Variants in ANO10 observed in about 807,000 individuals in gnomAD.
ANO10 encodes the protein anoctamin 10, also known as anoctamin-10.
In ANO10, 77 loss-of-function variants were observed where a neutral mutation model predicts 74.7. The observed-to-expected ratio is 1.03, with a 90% CI of 0.86 to 1.25. The LOEUF is 1.25. Among genes scored for constraint, ANO10 ranks in the 50% most tolerant of loss-of-function variants. The probability of loss-of-function intolerance (pLI) is 0.00; values close to 1 mark genes in which losing one functional copy is unlikely to be tolerated. For missense variants in ANO10, 721 were observed against 778.1 expected (o/e 0.93, Z 0.87); for synonymous variants, 279 against 284.9 (o/e 0.98, Z 0.21).
chr3:43,660,218 C>G (rs1050508444), intron 1 of ANO10, among the ~76,000 whole-genome samples: 1 of 152,030 alleles, frequency 6.6e-6, no homozygotes, highest in African/African-American at 2.4e-5. Context: ...TCCTCGCCAG[C>G]AAGAGAACAA....
chr3:43,683,721 CCA>C (rs2084234078), intron 1 of ANO10, among the ~76,000 whole-genome samples: 1 of 152,032 alleles, frequency 6.6e-6, no homozygotes, highest in Non-Finnish European at 1.5e-5. Context: ...GGTACTGGTA[CCA>C]AAACAGAGAT....
At chr3:43,579,672 T>C (rs1462442322) in intron 5 of ANO10, among the ~76,000 whole-genome samples, 1 of 152,120 alleles carries the variant, frequency 6.6e-6, no homozygotes, top group African/African-American at 2.4e-5. Context: ...TGAGGTGAGA[T>C]TGTACCATTG....
At position 43,386,647 on chromosome 3, in the gene ANO10, A is replaced by G. The variant is rs948958783; in HGVS notation, c.1915-19673T>C. 1.4e-4 allele frequency among the ~76,000 whole-genome samples: 12 copies of G among 87,986 alleles called. No individual in the cohort carries two copies. In the South Asian group the frequency reaches 1.7e-3, roughly 13 times the overall value. 57.7% of individuals were successfully genotyped at this position (87,986 alleles called of 152,430 possible). A position where few individuals can be genotyped will look rare whatever the true frequency, so the allele number is the denominator to read the frequency against. ...TTTTGAAAGTTGTGTGTAGGTGTGT[A>G]CGTGTGTGTGTGTGTGTGTGTGTGT... On this transcript the variant is annotated intron_variant, in intron 12 of 12. Transcript: ENST00000292246.
At chr3:43,554,257 G>A (rs528606504) in intron 10 of ANO10, among the ~76,000 whole-genome samples, 1 of 148,024 alleles carries the variant, frequency 6.8e-6, no homozygotes, top group South Asian at 2.1e-4. Flanking sequence ...GTAATGATAT[G>A]GTCTCAGCTC....
intron 11 of ANO10, among the ~76,000 whole-genome samples, chr3:43,495,071 CA>C (rs1362498167): frequency 1.3e-5 from 2 of 151,252 alleles, no homozygotes; most frequent in Non-Finnish European, 3.0e-5. Flanking sequence ...CAAAAACAGA[CA>C]AAAAGGTCAG....
intron 1 of ANO10, among the ~76,000 whole-genome samples, chr3:43,616,290 G>A (rs974448457): frequency 4.6e-5 from 7 of 152,238 alleles, no homozygotes; most frequent in East Asian, 1.9e-4. Context: ...TCACACCACC[G>A]GTGTGGCAGA....
At chr3:43,586,175 G>A (rs1040213995) in intron 4 of ANO10, among the ~76,000 whole-genome samples, 4 of 152,144 alleles carry the variant, frequency 2.6e-5, no homozygotes, top group African/African-American at 7.2e-5. Context: ...CCTGGAGTAC[G>A]TCTGCTCCCT....
intron 1 of ANO10, among the ~76,000 whole-genome samples, chr3:43,672,398 G>A (rs924308721): frequency 6.6e-6 from 1 of 152,096 alleles, no homozygotes; most frequent in Non-Finnish European, 1.5e-5. Flanking sequence ...ACCGGGCCTG[G>A]TGCATGCCTG....
chr3:43,552,716 A>G (rs915243984), intron 10 of ANO10, among the ~76,000 whole-genome samples: 1 of 134,908 alleles, frequency 7.4e-6, no homozygotes. Context: ...ATATATATAT[A>G]TATATATATA....
intron 11 of ANO10, among the ~76,000 whole-genome samples, chr3:43,508,588 T>C (rs1435045141): frequency 6.6e-6 from 1 of 152,156 alleles, no homozygotes; most frequent in African/African-American, 2.4e-5. Context: ...ATGTGGCACA[T>C]ATACACCATG....
chr3:43,508,161 A>C (rs563385019), intron 11 of ANO10, among the ~76,000 whole-genome samples: 2 of 152,244 alleles, frequency 1.3e-5, no homozygotes, highest in East Asian at 1.9e-4. Flanking sequence ...ACTTCTCCCT[A>C]TTTTTCAAAA....
chr3:43,370,678 G>A (rs999102622), intron 12 of ANO10, among the ~76,000 whole-genome samples: 5 of 152,178 alleles, frequency 3.3e-5, no homozygotes, highest in African/African-American at 1.2e-4. Flanking sequence ...CTCCAAAAAA[G>A]TATCAAAATG....
chr3:43,372,590 G>C, intron 12 of ANO10: 1 of 482,308 alleles, frequency 2.1e-6, no homozygotes, highest in South Asian at 3.7e-5. Flanking sequence ...TCCTCAGCCT[G>C]TCTCCTCCTC....
intron 11 of ANO10, chr3:43,485,802 G>T: frequency 7.3e-6 from 2 of 274,124 alleles, no homozygotes; most frequent in South Asian, 3.5e-5. Context: ...ATGTGGTAGT[G>T]GGGCAGTGTG....
chr3:43,543,291 A>G (rs548504653), intron 11 of ANO10, among the ~76,000 whole-genome samples: 1 of 152,328 alleles, frequency 6.6e-6, no homozygotes, highest in African/African-American at 2.4e-5. Context: ...AGGAAAATAA[A>G]GCCTGTGAGT....
intron 4 of ANO10, among the ~76,000 whole-genome samples, 188 bp downstream of exon 4, chr3:43,598,344 T>C (rs2082183389): frequency 6.6e-6 from 1 of 152,154 alleles, no homozygotes; most frequent in Non-Finnish European, 1.5e-5. Flanking sequence ...AAATAAGTAG[T>C]CAACAATATA....
chr3:43,432,941 A>ATTTTTTTTTTTTTTT (rs1559539096), intron 11 of ANO10, among the ~76,000 whole-genome samples: 1 of 46,536 alleles, frequency 2.1e-5, no homozygotes, highest in African/African-American at 5.9e-5. Context: ...ACTTTGCTTA[A>ATTTTTTTTTTTTTTT]TTCTTTTTTT....
intron 1 of ANO10, among the ~76,000 whole-genome samples, chr3:43,669,400 C>A (rs1199389250): frequency 6.6e-6 from 1 of 152,070 alleles, no homozygotes; most frequent in Non-Finnish European, 1.5e-5. Flanking sequence ...CATGAATGGT[C>A]TCCCTGGAGT....
chr3:43,642,334 T>G (rs372551660), intron 1 of ANO10, among the ~76,000 whole-genome samples: 1 of 152,202 alleles, frequency 6.6e-6, no homozygotes, highest in African/African-American at 2.4e-5. Context: ...TGTACACTTG[T>G]TTTCTCCTAG....
Sources: allele counts gnomAD v4.1 joint callset (sites outside exome capture counted in the v4.1 genomes callset), GRCh38; gene constraint gnomAD v4.1.1; transcripts MANE v1.5; gene names NCBI Gene and HGNC (gene_info 2026-07-23, HGNC 2026-07-21).